The following ADAMTSL3 variants were observed in gnomAD, a reference collection of about 807,000 sequenced individuals.
The protein encoded by ADAMTSL3 is ADAMTS-like protein 3.
In ADAMTSL3, 128 loss-of-function variants were observed where a neutral mutation model predicts 201.7. That is an observed-to-expected ratio of 0.63 (90% CI 0.55 to 0.73). The LOEUF (loss-of-function observed/expected upper bound fraction) is 0.73. Ranked by LOEUF, ADAMTSL3 falls within the 30% of genes least tolerant of loss-of-function variation. ADAMTSL3 has a pLI of 0.00. For synonymous variants in ADAMTSL3, 738 were observed against 748.4 expected, an observed-to-expected ratio of 0.99 and a Z score of 0.23; for missense variants, 1,990 against 2,119.6, an observed-to-expected ratio of 0.94 and a Z score of 1.20.
chr15:84,024,995 C>T (rs1014395249), intron 26 of ADAMTSL3, among the ~76,000 whole-genome samples: 9 of 152,148 alleles, frequency 5.9e-5, no homozygotes, highest in Non-Finnish European at 4.4e-5. Context: ...TCTTCATAAA[C>T]CTGAAGACAG....
intron 3 of ADAMTSL3, among the ~76,000 whole-genome samples, chr15:83,738,252 A>G (rs777091280): frequency 2.6e-5 from 4 of 152,250 alleles, no homozygotes; most frequent in Non-Finnish European, 4.4e-5. Context: ...TTCAGAATGT[A>G]TAAAGGAGTA....
chr15:83,749,933 T>G (rs2062611347), intron 3 of ADAMTSL3, among the ~76,000 whole-genome samples: 1 of 152,216 alleles, frequency 6.6e-6, no homozygotes, highest in Non-Finnish European at 1.5e-5. Flanking sequence ...CCTTTCCAGA[T>G]GTAACACTTT....
intron 8 of ADAMTSL3, among the ~76,000 whole-genome samples, chr15:83,867,958 T>C (rs2065009645): frequency 6.6e-6 from 1 of 152,204 alleles, no homozygotes; most frequent in Non-Finnish European, 1.5e-5. Context: ...TTGTGAAGAT[T>C]TTGGGATACA....
At chr15:83,869,327 T>G (rs1214142554) in intron 8 of ADAMTSL3, among the ~76,000 whole-genome samples, 1 of 152,202 alleles carries the variant, frequency 6.6e-6, no homozygotes, top group Non-Finnish European at 1.5e-5. Flanking sequence ...GTTTTATATC[T>G]TCATTGGAAC....
At chr15:83,919,738 A>G (rs953787068) in intron 16 of ADAMTSL3, among the ~76,000 whole-genome samples, 2 of 152,286 alleles carry the variant, frequency 1.3e-5, no homozygotes, top group Middle Eastern at 3.4e-3. Flanking sequence ...AAAAGGCAAC[A>G]AGAAAGCTCT....
At chr15:83,737,437 G>A (rs1220314197) in intron 3 of ADAMTSL3, among the ~76,000 whole-genome samples, 2 of 152,110 alleles carry the variant, frequency 1.3e-5, no homozygotes, top group Non-Finnish European at 2.9e-5. Context: ...GAGTTCTCAC[G>A]AGATCTGATG....
chr15:83,986,001 A>G (rs2067468180), intron 21 of ADAMTSL3, among the ~76,000 whole-genome samples: 1 of 152,070 alleles, frequency 6.6e-6, no homozygotes, highest in Non-Finnish European at 1.5e-5. Flanking sequence ...TCAAGAATAC[A>G]GTAATTACTG....
At position 83,982,658 on chromosome 15, in the gene ADAMTSL3, G is replaced by A. The variant is rs1346520668; in HGVS notation, c.3030G>A (p.Glu1010=). 2.5e-6 allele frequency: 4 copies of A among 1,614,140 alleles called. No individual in the cohort carries two copies. The highest frequency in any genetic ancestry group is 1.1e-5 in the South Asian group (1 of 91,084). The change falls in exon 21 of 30, where the codon GAG becomes GAA. Residue 1010 remains glutamate (E), a synonymous_variant. Coordinates refer to ENST00000286744, the MANE Select transcript of ADAMTSL3 (RefSeq NM_207517.3). ...NRLIARPALR[E]PMREYPGMDH... is the part of the protein sequence containing the mutation. ...TCATCGCACGCCCAGCCCTCAGGGA[G>A]CCTATGAGGGAATATCCTGGGATGG...
At chr15:83,806,951 A>G (rs552196120) in intron 5 of ADAMTSL3, among the ~76,000 whole-genome samples, 1 of 152,356 alleles carries the variant, frequency 6.6e-6, no homozygotes, top group South Asian at 2.1e-4. Context: ...TTGAGTAACA[A>G]ACTCCAAAGA....
At chr15:84,020,732 G>A (rs920801162) in intron 25 of ADAMTSL3, among the ~76,000 whole-genome samples, 6 of 152,156 alleles carry the variant, frequency 3.9e-5, no homozygotes, top group African/African-American at 1.4e-4. Context: ...CTGAGTGTCA[G>A]CAGGGAAGGG....
chr15:83,809,015 G>A (rs1010047973), intron 5 of ADAMTSL3, among the ~76,000 whole-genome samples: 1 of 152,048 alleles, frequency 6.6e-6, no homozygotes, highest in South Asian at 2.1e-4. Context: ...ATTGGGAGAG[G>A]TTAGTCAAGA....
rs758713259 is a variant in ADAMTSL3, at chr15:83,982,254, C to CTT, written c.2645-9_2645-8dup. The CTT allele has an allele frequency of 1.8e-4, 214 of 1,164,160 alleles. No individual in the cohort carries two copies. The Admixed American group carries it at 1.9e-3, about 10-fold the overall frequency. 72.1% of individuals were successfully genotyped at this position (1,164,160 alleles called of 1,614,324 possible). On this transcript the variant is annotated intron_variant, in intron 20 of 29. Coordinates refer to ENST00000286744, the MANE Select transcript of ADAMTSL3 (RefSeq NM_207517.3). ...TGTTTATTCGTATTTTCTTTTCTTT[C>CTT]TTTTTTTTTTTCTTGGAGAAATCAA...
intron 3 of ADAMTSL3, among the ~76,000 whole-genome samples, chr15:83,766,317 C>G (rs1172379246): frequency 2.0e-5 from 3 of 152,162 alleles, no homozygotes; most frequent in East Asian, 3.9e-4. Flanking sequence ...GAGCACAGAG[C>G]CTTGAACTTA....
intron 23 of ADAMTSL3, among the ~76,000 whole-genome samples, chr15:83,992,981 T>A (rs1220029245): frequency 1.3e-5 from 2 of 152,228 alleles, no homozygotes; most frequent in Non-Finnish European, 2.9e-5. Flanking sequence ...CCTTTCTTTA[T>A]CTGGCAGTCT....
intron 27 of ADAMTSL3, among the ~76,000 whole-genome samples, chr15:84,028,458 A>G (rs1420721252): frequency 6.6e-6 from 1 of 152,210 alleles, no homozygotes; most frequent in Admixed American, 6.5e-5. Flanking sequence ...TATAAGGACA[A>G]ATTAATAGGT....
At chr15:83,998,029 A>G (rs527631207) in intron 23 of ADAMTSL3, among the ~76,000 whole-genome samples, 3 of 145,754 alleles carry the variant, frequency 2.1e-5, no homozygotes, top group East Asian at 4.5e-4. Context: ...ATCTAGGAAG[A>G]AAAAAAAAAA....
intron 8 of ADAMTSL3, chr15:83,862,929 A>G (rs976221727): frequency 6.6e-6 from 1 of 152,164 alleles, no homozygotes; most frequent in Non-Finnish European, 1.5e-5. Flanking sequence ...AGGAAGACCT[A>G]CCAAGCAAAT....
chr15:83,927,985 C>CT (rs1469777622), intron 17 of ADAMTSL3, among the ~76,000 whole-genome samples: 3 of 140,028 alleles, frequency 2.1e-5, no homozygotes, highest in South Asian at 4.6e-4. Flanking sequence ...TTTTTTTTTT[C>CT]TTTTTTTTGA....
intron 2 of ADAMTSL3, among the ~76,000 whole-genome samples, chr15:83,662,489 T>G (rs4843150): frequency 0.051 from 7,508 of 147,912 alleles, 253 homozygotes; most frequent in Non-Finnish European, 0.077. Context: ...GTTAGTGGGT[T>G]CAGCGCACCA....
Sources: allele counts gnomAD v4.1 joint callset (sites outside exome capture counted in the v4.1 genomes callset), GRCh38; gene constraint gnomAD v4.1.1; transcripts MANE v1.5; gene names NCBI Gene and HGNC (gene_info 2026-07-23, HGNC 2026-07-21).